The following SPATA1 variants were observed in gnomAD, a reference collection of about 807,000 sequenced individuals.
SPATA1 encodes the protein spermatogenesis-associated protein 1.
Under a neutral mutation model 59.6 loss-of-function variants are expected in SPATA1, and 57 were observed. The ratio of observed to expected loss-of-function variants is 0.96; its 90% confidence interval spans 0.77 to 1.19. The LOEUF is 1.19. Among genes scored for constraint, SPATA1 ranks in the 50% most tolerant of loss-of-function variants. SPATA1 has a pLI of 0.00. For missense variants in SPATA1, 448 were observed against 480.7 expected (o/e 0.93, Z 0.64); for synonymous variants, 147 against 163.9 (o/e 0.90, Z 0.79).
intron 4 of SPATA1, 157 bp from the exon 14 acceptor site, chr1:84,565,704 G>T (rs1684686136): frequency 5.1e-6 from 2 of 394,836 alleles, no homozygotes; most frequent in Non-Finnish European, 8.0e-6. Context: ...TCAATTAAGT[G>T]ATTTTTACAT....
exon 4 of SPATA1, chr1:84,522,427 C>A: frequency 6.6e-7 from 1 of 1,503,928 alleles, no homozygotes; most frequent in Non-Finnish European, 8.9e-7. Flanking sequence ...CCTGAGGGAG[C>A]GTCTTGGTGA....
At chr1:84,548,434 TTA>T (rs34658102) in intron 10 of SPATA1, among the ~76,000 whole-genome samples, 34,612 of 148,180 alleles carry the variant, frequency 0.23, 4,360 homozygotes, top group South Asian at 0.36. Flanking sequence ...TGTTATAGTT[TTA>T]TATATGTTAT....
intron 4 of SPATA1, among the ~76,000 whole-genome samples, chr1:84,559,689 A>G (rs1219590608): frequency 6.6e-6 from 1 of 152,204 alleles, no homozygotes; most frequent in African/African-American, 2.4e-5. Flanking sequence ...TTTTGCAATG[A>G]ATAAAAAAGA....
intron 1 of SPATA1, among the ~76,000 whole-genome samples, chr1:84,507,855 G>A (rs546306659): frequency 1.3e-5 from 2 of 149,736 alleles, no homozygotes; most frequent in Non-Finnish European, 3.0e-5. Flanking sequence ...AACAGTTTCA[G>A]AAAAAAAAAA....
At chr1:84,563,350 C>G (rs373912484) in intron 4 of SPATA1, 51 of 1,598,230 alleles carry the variant, frequency 3.2e-5, no homozygotes, top group Admixed American at 1.7e-4. Flanking sequence ...TGTAGGGCAC[C>G]TGACGTCCTG....
Position 84,529,943 on chromosome 1 carries a change from G to A in SPATA1, c.545-2917G>A, listed in dbSNP as rs558202984. ...ACAATCTCGCCTCACTGCAACTTCC[G>A]CCTCCTGGGTTCAGGCAATTCTCCT... On this transcript the variant is annotated intron_variant, in intron 6 of 12. Transcript: ENST00000490879. 2.3e-3 allele frequency among the ~76,000 whole-genome samples: 351 copies of A among 150,134 alleles called. 4 individuals carry two copies. Among genetic ancestry groups the A allele is most frequent in the African/African-American group, 8.2e-3 (336 of 40,740 alleles).
chr1:84,515,078 C>A (rs1044995933), intron 1 of SPATA1, among the ~76,000 whole-genome samples: 5 of 152,108 alleles, frequency 3.3e-5, no homozygotes, highest in Admixed American at 6.5e-5. Context: ...AATGAATGCC[C>A]ATATGCTATA....
At chr1:84,511,371 T>G (rs1682537226) in intron 1 of SPATA1, among the ~76,000 whole-genome samples, 1 of 152,212 alleles carries the variant, frequency 6.6e-6, no homozygotes, top group Non-Finnish European at 1.5e-5. Context: ...TCTGTTACTC[T>G]CTGGGAGACC....
intron 4 of SPATA1, among the ~76,000 whole-genome samples, chr1:84,560,900 A>T (rs1465879704): frequency 6.6e-6 from 1 of 152,224 alleles, no homozygotes; most frequent in African/African-American, 2.4e-5. Flanking sequence ...TTTCTTTCAA[A>T]ATATTACTGC....
At position 84,543,876 on chromosome 1, in the gene SPATA1, T is replaced by A. The variant is rs141744003; in HGVS notation, c.718-326T>A. On this transcript the variant is annotated intron_variant, in intron 8 of 12. Coordinates refer to ENST00000490879, the Ensembl canonical transcript of SPATA1. ...CAAAATTGACTCAAGATGAAAAAAA[T>A]ATTAATAGGCATCTTAGAAAATATT... 4.2e-3 allele frequency among the ~76,000 whole-genome samples: 641 copies of A among 152,172 alleles called. 2 individuals are homozygous for A. The highest frequency in any genetic ancestry group is 6.1e-3 in the Non-Finnish European group (417 of 67,990).
intron 1 of SPATA1, among the ~76,000 whole-genome samples, chr1:84,510,198 AAAT>A (rs1682475852): frequency 6.6e-6 from 1 of 152,190 alleles, no homozygotes; most frequent in Non-Finnish European, 1.5e-5. Context: ...ATTACAAAGG[AAAT>A]AATCAGCAAA....
At chr1:84,522,141 T>C (rs545459511) in intron 3 of SPATA1, among the ~76,000 whole-genome samples, 78 of 152,324 alleles carry the variant, frequency 5.1e-4, no homozygotes, top group Non-Finnish European at 8.5e-4. Context: ...GTTTTCCTTT[T>C]CAGTACAAAA....
At chr1:84,559,954 G>T (rs1356489226) in intron 4 of SPATA1, among the ~76,000 whole-genome samples, 1 of 151,358 alleles carries the variant, frequency 6.6e-6, no homozygotes, top group South Asian at 2.1e-4. Flanking sequence ...GCATAGTGGC[G>T]GGCACCTGTA....
chr1:84,548,065 C>T (rs78117332), intron 10 of SPATA1, among the ~76,000 whole-genome samples: 9,487 of 152,060 alleles, frequency 0.062, 476 homozygotes, highest in African/African-American at 0.13. Flanking sequence ...GCAGTAATAC[C>T]GGTAGAAGTT....
At position 84,532,840 on chromosome 1, in the gene SPATA1, T is replaced by C. The variant is rs183877399; in HGVS notation, c.545-20T>C. The C allele has an allele frequency of 2.4e-5, 36 of 1,485,046 alleles. No homozygotes were observed. In the East Asian group the frequency reaches 7.6e-4, roughly 32 times the overall value. The allele number at this position is 1,485,046 out of a possible 1,614,324, so 92.0% of individuals were successfully genotyped here. On this transcript the variant is annotated intron_variant, in intron 6 of 12. Transcript: ENST00000490879. ...CTAACATTCTGAACTTTATTTGCTG[T>C]GGATGACCATCAACATCAGCTGGGG...
rs767093634 is a variant in SPATA1 at position 84,532,854 on chromosome 1, C to A, written c.545-6C>A. The A allele has an allele frequency of 1.7e-5, 26 of 1,543,174 alleles. No homozygotes were observed. The South Asian group carries it at 3.1e-4, about 18-fold the overall frequency. ...TTTATTTGCTGTGGATGACCATCAACATCAGCTGGGGGAAAAGCCACTGCA... is the reference window on the plus strand; with the variant it reads ...TTTATTTGCTGTGGATGACCATCAAAATCAGCTGGGGGAAAAGCCACTGCA... On this transcript the variant is annotated splice_region_variant and splice_polypyrimidine_tract_variant and intron_variant, in intron 6 of 12. Coordinates refer to ENST00000490879, the Ensembl canonical transcript of SPATA1.
chr1:84,540,303 TC>T (rs1240483490), intron 8 of SPATA1, among the ~76,000 whole-genome samples: 2 of 152,192 alleles, frequency 1.3e-5, no homozygotes, highest in Admixed American at 6.5e-5. Flanking sequence ...TGGGTTTTTT[TC>T]GTCTTGGTAT....
At chr1:84,509,268 C>A (rs975693463) in intron 1 of SPATA1, among the ~76,000 whole-genome samples, 1 of 151,014 alleles carries the variant, frequency 6.6e-6, no homozygotes, top group Non-Finnish European at 1.5e-5. Context: ...CAAATTCATT[C>A]ACCTACAGTG....
chr1:84,511,989 A>G (rs1213928965), intron 1 of SPATA1, among the ~76,000 whole-genome samples: 1 of 152,044 alleles, frequency 6.6e-6, no homozygotes, highest in Non-Finnish European at 1.5e-5. Context: ...GCCTCATTTC[A>G]GGCATTTTAA....
Sources: gnomAD v4.1 joint callset for allele counts (sites outside exome capture counted in the v4.1 genomes callset) on GRCh38, gnomAD v4.1.1 for gene constraint, MANE v1.5 for transcripts, NCBI Gene and HGNC (gene_info 2026-07-23, HGNC 2026-07-21) for gene names.